ABCC12: variants seen among roughly 807,000 people sequenced by gnomAD.
ABCC12 encodes ATP binding cassette subfamily C member 12, also known as ATP-binding cassette sub-family C member 12.
Under a neutral mutation model 151.1 loss-of-function variants are expected in ABCC12, and 142 were observed. That is an observed-to-expected ratio of 0.94 (90% CI 0.82 to 1.08). ABCC12 has a LOEUF of 1.08. ABCC12 is among the 50% of genes least tolerant of loss of function. The pLI is 0.00. For missense variants in ABCC12, 1,638 were observed against 1,691.1 expected (o/e 0.97, Z 0.55); for synonymous variants, 645 against 646.4 (o/e 1.00, Z 0.03).
chr16:48,128,777 C>A, intron 10 of ABCC12, 40 bp from the exon 11 acceptor site: 1 of 1,588,130 alleles, frequency 6.3e-7, no homozygotes, highest in Non-Finnish European at 8.6e-7. Flanking sequence ...CAGATGTCAT[C>A]CATTTGCAAG....
chr16:48,133,197 G>T (rs1227387559), intron 9 of ABCC12, among the ~76,000 whole-genome samples: 1 of 152,116 alleles, frequency 6.6e-6, no homozygotes, highest in Admixed American at 6.5e-5. Flanking sequence ...GGCTCTCCCG[G>T]GCCCCTTGTC....
intron 26 of ABCC12, 148 bp downstream of exon 26, chr16:48,088,397 A>T (rs1962717556): frequency 1.0e-6 from 1 of 970,974 alleles, no homozygotes; most frequent in South Asian, 1.8e-5. Flanking sequence ...TTCAACCTGA[A>T]ATCCTAATTT....
chr16:48,107,700 T>C (rs764199509), intron 19 of ABCC12, among the ~76,000 whole-genome samples: 4 of 152,184 alleles, frequency 2.6e-5, no homozygotes, highest in Non-Finnish European at 5.9e-5. Flanking sequence ...CTCAATATTC[T>C]TTTAAAAGAA....
rs752607481 is a variant in ABCC12 at position 48,112,772 on chromosome 16, C to T, written c.1990-862G>A. Among the ~76,000 whole-genome samples, 8 of 152,204 alleles carry T rather than the reference C, an allele frequency of 5.3e-5. No homozygotes were observed. In the East Asian group the frequency reaches 5.8e-4, roughly 11 times the overall value. ...CATTTAGCCCAGGAGAAGCAGACCACGGTGTGGTCTCCAGGCAAGAGGCCA... is the reference window on the plus strand; with the variant it reads ...CATTTAGCCCAGGAGAAGCAGACCATGGTGTGGTCTCCAGGCAAGAGGCCA... On this transcript the variant is annotated intron_variant, in intron 15 of 30. Coordinates refer to ENST00000311303, the MANE Select transcript of ABCC12 (RefSeq NM_001393797.1).
intron 19 of ABCC12, among the ~76,000 whole-genome samples, chr16:48,107,872 G>A (rs1459318301): frequency 6.6e-6 from 1 of 151,932 alleles, no homozygotes; most frequent in East Asian, 1.9e-4. Flanking sequence ...CATAGTGGCG[G>A]GTGCCTGTAA....
chr16:48,142,235 C>G (rs912409056), intron 4 of ABCC12, among the ~76,000 whole-genome samples: 1 of 152,158 alleles, frequency 6.6e-6, no homozygotes, highest in Non-Finnish European at 1.5e-5. Context: ...AGAAGATGCT[C>G]GTGAGGCATC....
At chr16:48,147,508 T>G (rs1441290141) in intron 2 of ABCC12, among the ~76,000 whole-genome samples, 1 of 152,182 alleles carries the variant, frequency 6.6e-6, no homozygotes, top group Non-Finnish European at 1.5e-5. Flanking sequence ...CCAACTCCCA[T>G]CAAGTTGTTA....
intron 11 of ABCC12, among the ~76,000 whole-genome samples, chr16:48,127,895 C>T (rs962693077): frequency 2.0e-5 from 3 of 152,186 alleles, no homozygotes; most frequent in Non-Finnish European, 4.4e-5. Flanking sequence ...AAGACCCCAT[C>T]TCTACAAAAA....
intron 9 of ABCC12, among the ~76,000 whole-genome samples, chr16:48,132,728 G>A (rs984918147): frequency 2.6e-5 from 4 of 152,116 alleles, no homozygotes; most frequent in African/African-American, 9.7e-5. Context: ...ATCCTCATTT[G>A]CCTAGCCCAG....
chr16:48,091,652 A>G (rs1481193390), intron 24 of ABCC12, among the ~76,000 whole-genome samples: 1 of 152,162 alleles, frequency 6.6e-6, no homozygotes, highest in Non-Finnish European at 1.5e-5. Context: ...GAGACCAGAA[A>G]ACCATCAAGC....
intron 30 of ABCC12, 44 bp downstream of exon 30, chr16:48,083,865 C>G: frequency 6.2e-7 from 1 of 1,613,378 alleles, no homozygotes; most frequent in Non-Finnish European, 8.5e-7. Flanking sequence ...AAGCTCAAAC[C>G]ACTGGACTTT....
intron 21 of ABCC12, 35 bp from the exon 22 acceptor site, chr16:48,104,403 G>C: frequency 6.3e-7 from 1 of 1,592,452 alleles, no homozygotes; most frequent in Non-Finnish European, 8.6e-7. Flanking sequence ...ACAGAGTCGA[G>C]ATGCGTGCTT....
intron 2 of ABCC12, among the ~76,000 whole-genome samples, chr16:48,153,187 C>T (rs567792280): frequency 1.7e-4 from 26 of 152,120 alleles, no homozygotes; most frequent in Admixed American, 5.9e-4. Flanking sequence ...ATAGATTCTG[C>T]AATAATATTT....
At chr16:48,122,079 G>C (rs1293674020) in intron 12 of ABCC12, among the ~76,000 whole-genome samples, 3 of 152,254 alleles carry the variant, frequency 2.0e-5, no homozygotes, top group African/African-American at 7.2e-5. Context: ...GGTAAGCTCT[G>C]CTACAAATGG....
chr16:48,126,112 C>T (rs1160622338), intron 11 of ABCC12, among the ~76,000 whole-genome samples: 1 of 152,184 alleles, frequency 6.6e-6, no homozygotes, highest in Admixed American at 6.5e-5. Context: ...ATGGCTATTC[C>T]ATATGTCAGT....
At position 48,104,263 on chromosome 16, in the gene ABCC12, C is replaced by A. The variant is rs771754129; in HGVS notation, c.2779G>T (p.Ala927Ser). 5 of 1,614,106 alleles carry A rather than the reference C, an allele frequency of 3.1e-6. No individual in the cohort carries two copies. Among genetic ancestry groups the A allele is most frequent in the Non-Finnish European group, 4.2e-6 (5 of 1,180,046 alleles). ...AAAAACTGCTGCAGAAAGTTCTCTG[C>A]GTGAAACGGCAGCCTCACATCCAGC... is the stretch of plus-strand genomic sequence containing the variant. ...DELDVRLPFHAENFLQQFFMV... is the reference protein window; with the variant it reads ...DELDVRLPFHSENFLQQFFMV... Residue 927 changes from alanine to serine, a missense_variant, in exon 22 of 31, where the codon GCA (alanine) becomes TCA (serine). Physicochemically the swap from Ala to Ser is moderately conservative, Grantham distance 99 (BLOSUM62 1). Coordinates refer to ENST00000311303, the MANE Select transcript of ABCC12 (RefSeq NM_001393797.1).
chr16:48,107,777 G>A (rs1597309567), intron 19 of ABCC12, among the ~76,000 whole-genome samples: 2 of 152,184 alleles, frequency 1.3e-5, no homozygotes, highest in African/African-American at 2.4e-5. Context: ...TGAGGCAGGC[G>A]GATCACCTGA....
chr16:48,108,396 T>C (rs1311875850), intron 19 of ABCC12, 44 bp downstream of exon 19: 1 of 1,562,156 alleles, frequency 6.4e-7, no homozygotes, highest in South Asian at 1.1e-5. Flanking sequence ...ACAGGATTTT[T>C]AAAATGCAAA....
chr16:48,129,265 G>A (rs1270068927), intron 10 of ABCC12, among the ~76,000 whole-genome samples: 1 of 152,192 alleles, frequency 6.6e-6, no homozygotes, highest in African/African-American at 2.4e-5. Context: ...AACATGCACG[G>A]ATCGTTTCTG....
Sources: gnomAD v4.1 joint callset for allele counts (sites outside exome capture counted in the v4.1 genomes callset) on GRCh38, gnomAD v4.1.1 for gene constraint, MANE v1.5 for transcripts, NCBI Gene and HGNC (gene_info 2026-07-23, HGNC 2026-07-21) for gene names.